The following PGC variants were observed in gnomAD, a reference collection of about 807,000 sequenced individuals.
PGC encodes the protein gastricsin.
PGC carries 31 observed loss-of-function variants against 45.9 expected under a neutral mutation model. The observed-to-expected ratio is 0.67, with a 90% CI of 0.51 to 0.91. The LOEUF is 0.91. Among genes scored for constraint, PGC ranks in the 40% least tolerant of loss-of-function variants. The pLI, the probability that PGC is intolerant of heterozygous loss-of-function variation, is 0.00. For missense variants in PGC, 477 were observed against 493.2 expected (o/e 0.97, Z 0.31); for synonymous variants, 192 against 201.8 (o/e 0.95, Z 0.41).
Position 41,736,740 on chromosome 6 carries a change from G to T in PGC, c.*112C>A, listed in dbSNP as rs1360007002. 73 of 1,102,114 alleles carry T rather than the reference G, an allele frequency of 6.6e-5. No individual in the cohort carries two copies. In the East Asian group the frequency reaches 1.6e-3, roughly 25 times the overall value. The allele number at this position is 1,102,114 out of a possible 1,614,324, so 68.3% of individuals were successfully genotyped here. ...GAAGAACTATTTATTATTAGAGAAA[G>T]TCCAGAGTCCAGAAAAAGAAGGCTG... is the stretch of plus-strand genomic sequence containing the variant. On this transcript the variant is annotated 3_prime_UTR_variant, in exon 9 of 9. Coordinates refer to ENST00000373025, the MANE Select transcript of PGC (RefSeq NM_002630.4).
Position 41,747,297 on chromosome 6 carries a change from A to T in PGC, c.38T>A (p.Leu13His). Residue 13 changes from leucine (L) to histidine (H), a missense_variant, in exon 1 of 9, where the codon CTC becomes CAC. Coordinates refer to ENST00000373025, the MANE Select transcript of PGC (RefSeq NM_002630.4). ...TCACTTGACCACTGCTGCCTCCAAG[A>T]GCTGGAGGCAGACCAAGACCACCAC... ...WMVVVLVCLQ[L>H]LEAAVVKVPL... 1 of 1,613,682 alleles carries T rather than the reference A, an allele frequency of 6.2e-7. No homozygotes were observed. The highest frequency in any genetic ancestry group is 8.5e-7 in the Non-Finnish European group (1 of 1,179,656).
Position 41,742,414 on chromosome 6 carries a change from G to T in PGC, c.523C>A (p.Gln175Lys). Residue 175 changes from glutamine to lysine, a missense_variant, in exon 5 of 9, where the codon CAG becomes AAG. Gln to Lys is a moderately conservative substitution (Grantham distance 53). Transcript: ENST00000373025. ...NEPGTNFVYAQFDGIMGLAYP... is the reference protein window; with the variant it reads ...NEPGTNFVYAKFDGIMGLAYP... Reference sequence around the variant, plus strand: ...GCCAGGCCCATGATGCCATCAAACTGCGCATAGACGAAGTTGGTACCAGGC... The same window carrying T: ...GCCAGGCCCATGATGCCATCAAACTTCGCATAGACGAAGTTGGTACCAGGC... The T allele has an allele frequency of 1.2e-6, 2 of 1,613,998 alleles. No homozygotes were observed. The highest frequency in any genetic ancestry group is 1.7e-6 in the Non-Finnish European group (2 of 1,179,880).
chr6:41,742,240 C>A (rs774118227), intron 5 of PGC, 50 bp downstream of exon 5: 3 of 1,535,728 alleles, frequency 2.0e-6, no homozygotes, highest in Non-Finnish European at 1.8e-6. Flanking sequence ...TCGTCCAGGG[C>A]GGCCGGGGGA....
At chr6:41,742,652 GTC>G (rs1274691452) in intron 4 of PGC, among the ~76,000 whole-genome samples, 163 bp from the exon 5 acceptor site, 2 of 152,128 alleles carry the variant, frequency 1.3e-5, no homozygotes, top group Non-Finnish European at 2.9e-5. Context: ...TTGAGACAGA[GTC>G]TCGCCCTGTC....
At position 41,741,879 on chromosome 6, in the gene PGC, T is replaced by C. The variant is rs561883098; in HGVS notation, c.647+411A>G. The C allele has an allele frequency of 2.5e-4, 363 of 1,474,836 alleles. 1 individual carries two copies. In the Middle Eastern group the frequency reaches 3.8e-3, roughly 15 times the overall value. The allele number at this position is 1,474,836 out of a possible 1,614,324, so 91.4% of individuals were successfully genotyped here. On this transcript the variant is annotated intron_variant, in intron 5 of 8. Coordinates refer to ENST00000373025, the MANE Select transcript of PGC (RefSeq NM_002630.4). Reference sequence around the variant, plus strand: ...AGATAAAAGGAGATGAAGCAATACATTACTATGCAAAAGAGGGATACAGGT... The same window carrying C: ...AGATAAAAGGAGATGAAGCAATACACTACTATGCAAAAGAGGGATACAGGT...
chr6:41,738,042 C>T (rs976573163), intron 7 of PGC, among the ~76,000 whole-genome samples: 3 of 150,708 alleles, frequency 2.0e-5, no homozygotes, highest in African/African-American at 7.4e-5. Context: ...TGGAGTGATC[C>T]CAGAGCCTCC....
chr6:41,741,279 A>T (rs1019271676), intron 5 of PGC: 11 of 1,400,558 alleles, frequency 7.9e-6, no homozygotes, highest in Non-Finnish European at 1.0e-5. Context: ...AGTTAGCAAC[A>T]TTAGTAACAG....
At chr6:41,738,144 GCATATATATATA>G (rs1771727667) in intron 7 of PGC, among the ~76,000 whole-genome samples, 13 of 26,102 alleles carry the variant, frequency 5.0e-4, no homozygotes, top group South Asian at 1.1e-3. Flanking sequence ...ATATATATAT[GCATATATATATA>G]CATATATATG....
At position 41,744,325 on chromosome 6, in the gene PGC, G is replaced by T; in HGVS notation, c.328+72C>A. On this transcript the variant is annotated intron_variant, in intron 3 of 8. Coordinates refer to ENST00000373025, the MANE Select transcript of PGC (RefSeq NM_002630.4). This position sits in a 1 kb window ranked among gnomAD's most constrained non-coding sequence, Gnocchi z 4.4. The stretch of plus-strand genomic sequence containing the variant: ...CCTCAGTCCTGAGCTCCCTCTGGAA[G>T]TTTGGCCCTCCCCAGAGGGTATCAG... The T allele has an allele frequency of 9.4e-7, 1 of 1,061,872 alleles. No homozygotes were observed. Among genetic ancestry groups the T allele is most frequent in the Non-Finnish European group, 1.4e-6 (1 of 708,930 alleles). The allele number at this position is 1,061,872 out of a possible 1,614,324, so 65.8% of individuals were successfully genotyped here.
In PGC at chr6:41,736,933, G is replaced by A; in HGVS notation, c.1086C>T (p.Ile362=). Residue 362 remains isoleucine, a synonymous_variant, in exon 9 of 9, where the codon ATC becomes ATT. Coordinates refer to ENST00000373025, the MANE Select transcript of PGC (RefSeq NM_002630.4). ...LSSQNGQPLW[I]LGDVFLRSYY... is the part of the protein sequence containing the mutation. ...AGGACCTGAGGAAGACATCCCCGAG[G>A]ATCCACAGGGGCTGGCCGTTCTGGG... The A allele has an allele frequency of 6.2e-7, 1 of 1,614,066 alleles. No individual in the cohort carries two copies. Among genetic ancestry groups the A allele is most frequent in the Non-Finnish European group, 8.5e-7 (1 of 1,179,936 alleles).
chr6:41,742,749 C>T (rs775966581), intron 4 of PGC, among the ~76,000 whole-genome samples: 1 of 152,196 alleles, frequency 6.6e-6, no homozygotes, highest in Non-Finnish European at 1.5e-5. Context: ...CTCAGCCTCC[C>T]GAGTAGCTGG....
chr6:41,738,454 C>T (rs897974098), intron 7 of PGC, among the ~76,000 whole-genome samples: 2 of 150,438 alleles, frequency 1.3e-5, no homozygotes, highest in African/African-American at 4.9e-5. Context: ...ATGATGAAAC[C>T]CCGCCTCCAC....
At chr6:41,737,532 T>C (rs993449329) in intron 8 of PGC, among the ~76,000 whole-genome samples, 198 bp downstream of exon 8, 4 of 152,216 alleles carry the variant, frequency 2.6e-5, no homozygotes, top group South Asian at 2.1e-4. Context: ...TTAATAATAA[T>C]TGATCATAGA....
intron 5 of PGC, chr6:41,741,724 C>T (rs376931382): frequency 2.1e-5 from 21 of 1,017,530 alleles, no homozygotes; most frequent in East Asian, 1.0e-4. Flanking sequence ...GGCCCCAGGC[C>T]GCTCACCCCC....
chr6:41,739,001 G>T (rs781454843), intron 7 of PGC, among the ~76,000 whole-genome samples: 2 of 151,964 alleles, frequency 1.3e-5, no homozygotes, highest in African/African-American at 2.4e-5. Context: ...GAAAAACACA[G>T]ATCTGCATAA....
At chr6:41,738,754 C>T (rs1490748086) in intron 7 of PGC, among the ~76,000 whole-genome samples, 1 of 151,994 alleles carries the variant, frequency 6.6e-6, no homozygotes, top group East Asian at 1.9e-4. Context: ...GTCAGGAGTT[C>T]GAGACCAGCC....
In PGC at chr6:41,739,891, C is replaced by T. The variant is rs1224036430; in HGVS notation, c.823G>A (p.Val275Met). ...GWCSEGCQAI[V>M]DTGTSLLTVP... ...GTGAGCAGAGAGGTGCCTGTGTCCA[C>T]GATGGCCTGGCAACCCTCAGAACAC... Residue 275 changes from valine (V) to methionine (M), a missense_variant, in exon 7 of 9, where the codon GTG becomes ATG. By Grantham distance (21) the Val-to-Met change is conservative. Transcript: ENST00000373025. 6.8e-6 allele frequency: 11 copies of T among 1,613,914 alleles called. No homozygotes were observed. The highest frequency in any genetic ancestry group is 6.7e-5 in the African/African-American group (5 of 74,920).
intron 7 of PGC, among the ~76,000 whole-genome samples, chr6:41,739,129 T>G (rs1238457345): frequency 6.6e-6 from 1 of 151,906 alleles, no homozygotes; most frequent in Admixed American, 6.6e-5. Context: ...CCTGTGGAGG[T>G]GAGAGAGGTG....
Position 41,744,485 on chromosome 6 carries a change from C to G in PGC, c.240G>C (p.Gly80=). The change falls in exon 3 of 9, where the codon GGG becomes GGC. Residue 80 remains glycine, a synonymous_variant. Transcript: ENST00000373025. The surrounding 1 kb of genome is among the most constrained non-coding windows in gnomAD (Gnocchi z 4.4). Reference sequence around the variant, plus strand: ...GGACCAGGAAGTTCTGGGGTGGAGTCCCGATGCTGATCTCACCAAAGTAGG... The same window carrying G: ...GGACCAGGAAGTTCTGGGGTGGAGTGCCGATGCTGATCTCACCAAAGTAGG... The part of the protein sequence containing the change: ...DAAYFGEISI[G]TPPQNFLVLF... 1 of 1,613,964 alleles carries G rather than the reference C, an allele frequency of 6.2e-7. No homozygotes were observed. The highest frequency in any genetic ancestry group is 8.5e-7 in the Non-Finnish European group (1 of 1,179,928).
Sources: gnomAD v4.1 joint callset for allele counts (sites outside exome capture counted in the v4.1 genomes callset) on GRCh38, gnomAD v4.1.1 for gene constraint, Gnocchi (gnomAD v3.1) non-coding constraint, MANE v1.5 for transcripts, NCBI Gene and HGNC (gene_info 2026-07-23, HGNC 2026-07-21) for gene names.